The following MIAT variants were observed in gnomAD, a reference collection of about 807,000 sequenced individuals.
The protein encoded by MIAT is myocardial infarction associated transcript, also known as MI related novel mRNA.
chr22:26,670,526 G>A (rs1931004763), downstream of MIAT: 1 of 341,868 alleles, frequency 2.9e-6, no homozygotes, highest in African/African-American at 2.3e-5. Context: ...TGAAGGATGA[G>A]AAAGATCTGG....
chr22:26,655,333 G>C (rs1055575558), intron 2 of MIAT, among the ~76,000 whole-genome samples: 2 of 152,210 alleles, frequency 1.3e-5, no homozygotes, highest in Non-Finnish European at 2.9e-5. Flanking sequence ...GAAAGCTGGG[G>C]AAGTTGGAAT....
exon 5 of MIAT, chr22:26,675,374 T>G (rs1370694882): frequency 2.5e-6 from 1 of 398,566 alleles, no homozygotes; most frequent in East Asian, 3.6e-5. Context: ...GATTTTATCC[T>G]TAGGCCTTGG....
chr22:26,671,259 G>T, downstream of MIAT: 1 of 398,666 alleles, frequency 2.5e-6, no homozygotes, highest in South Asian at 1.3e-4. Flanking sequence ...ACATGCTTTT[G>T]GGCAGGGTCC....
chr22:26,670,624 A>AAAAT (rs1931012038), downstream of MIAT: 1 of 391,470 alleles, frequency 2.6e-6, no homozygotes, highest in African/African-American at 2.2e-5. Flanking sequence ...AAAAAAAAAA[A>AAAAT]AAGCAGGTTC....
downstream of MIAT, chr22:26,671,936 T>C (rs1931061162): frequency 5.0e-6 from 2 of 398,494 alleles, no homozygotes; most frequent in Admixed American, 4.4e-5. Context: ...CAGATCCTTC[T>C]GCCTGGGGCA....
chr22:26,659,932 T>C (rs966023881), intron 2 of MIAT, among the ~76,000 whole-genome samples: 3 of 148,916 alleles, frequency 2.0e-5, no homozygotes, highest in South Asian at 2.1e-4. Flanking sequence ...ACCTCCTGGG[T>C]TCAAGTGATC....
intron 2 of MIAT, chr22:26,656,207 C>A (rs1319872054): frequency 6.6e-6 from 1 of 152,268 alleles, no homozygotes; most frequent in African/African-American, 2.4e-5. Flanking sequence ...GACGGGGTTT[C>A]TCCATGTTGG....
At chr22:26,657,458 A>C in intron 2 of MIAT, 1 of 398,692 alleles carries the variant, frequency 2.5e-6, no homozygotes, top group African/African-American at 2.1e-5. Context: ...CCGCTCCCGC[A>C]TTAAAATTTC....
At chr22:26,659,429 G>A (rs1255483121) in intron 2 of MIAT, among the ~76,000 whole-genome samples, 2 of 152,116 alleles carry the variant, frequency 1.3e-5, no homozygotes, top group Non-Finnish European at 2.9e-5. Flanking sequence ...CTCATTTTAA[G>A]CCTTAACCCT....
intron 2 of MIAT, among the ~76,000 whole-genome samples, chr22:26,661,201 T>G (rs1930650253): frequency 6.6e-6 from 1 of 152,182 alleles, no homozygotes; most frequent in Non-Finnish European, 1.5e-5. Context: ...TGTAGGCCAG[T>G]CTTTGTTTCA....
chr22:26,667,886 G>A (rs1385863993), intron 5 of MIAT: 1 of 268,860 alleles, frequency 3.7e-6, no homozygotes, highest in East Asian at 6.7e-5. Flanking sequence ...GCCCAGGCTG[G>A]TCTCGAACTC....
chr22:26,656,776 C>T (rs1429894181), intron 2 of MIAT, among the ~76,000 whole-genome samples: 2 of 152,142 alleles, frequency 1.3e-5, no homozygotes, highest in African/African-American at 2.4e-5. Flanking sequence ...TGGCTCGCGC[C>T]TGTAGTCCCA....
chr22:26,656,096 CT>C (rs1930437576), intron 2 of MIAT: 1 of 152,252 alleles, frequency 6.6e-6, no homozygotes, highest in Non-Finnish European at 1.5e-5. Context: ...ACCGCAACCT[CT>C]GCCTACCCGG....
At chr22:26,649,518 T>C (rs915562861) in intron 2 of MIAT, among the ~76,000 whole-genome samples, 2 of 152,224 alleles carry the variant, frequency 1.3e-5, no homozygotes, top group Admixed American at 6.5e-5. Context: ...ATGGGAGCTG[T>C]TGTGTCAATT....
At chr22:26,668,731 T>C (rs576756509) in exon 6 of MIAT, 151 of 399,192 alleles carry the variant, frequency 3.8e-4, no homozygotes, top group African/African-American at 2.6e-3. Context: ...TGCGTAATTG[T>C]CATTTTGTGG....
chr22:26,651,861 T>C (rs988789237), intron 2 of MIAT, among the ~76,000 whole-genome samples: 4 of 152,160 alleles, frequency 2.6e-5, no homozygotes, highest in African/African-American at 9.7e-5. Context: ...GGGTGTTATT[T>C]TGGGGGTGAT....
intron 2 of MIAT, among the ~76,000 whole-genome samples, chr22:26,657,821 A>G (rs1930517348): frequency 6.6e-6 from 1 of 152,196 alleles, no homozygotes; most frequent in Admixed American, 6.5e-5. Context: ...ATGGATGAAG[A>G]GGCTTTACAG....
chr22:26,662,606 T>G (rs1196452421), intron 2 of MIAT, among the ~76,000 whole-genome samples: 1 of 152,174 alleles, frequency 6.6e-6, no homozygotes, highest in Non-Finnish European at 1.5e-5. Context: ...AGCATCTGCT[T>G]CCCCCAGCAT....
At chr22:26,648,889 A>AAG (rs1174670135) in intron 2 of MIAT, among the ~76,000 whole-genome samples, 1 of 149,512 alleles carries the variant, frequency 6.7e-6, no homozygotes, top group Admixed American at 6.7e-5. Flanking sequence ...TTGAGAGAGA[A>AAG]AGAGAGAGAG....
Sources: gnomAD v4.1 joint callset for allele counts (sites outside exome capture counted in the v4.1 genomes callset) on GRCh38, gnomAD v4.1.1 for gene constraint, MANE v1.5 for transcripts, NCBI Gene and HGNC (gene_info 2026-07-23, HGNC 2026-07-21) for gene names.